Variants in RASGRF2 observed in about 807,000 individuals in gnomAD.
The protein encoded by RASGRF2 is ras-specific guanine nucleotide-releasing factor 2.
A neutral mutation model predicts 151.0 loss-of-function variants in RASGRF2; 76 were observed. The ratio of observed to expected loss-of-function variants is 0.50; its 90% CI spans 0.42 to 0.61. The LOEUF is 0.61. Ranked by LOEUF, RASGRF2 falls within the 20% of genes least tolerant of loss-of-function variation. The pLI, the probability that RASGRF2 is intolerant of heterozygous loss-of-function variation, is 0.00. For missense variants in RASGRF2, 1,148 were observed against 1,564.6 expected (o/e 0.73, Z 4.49); for synonymous variants, 504 against 566.5 (o/e 0.89, Z 1.57).
chr5:81,121,094 T>TTGTGTG (rs145805696), intron 15 of RASGRF2, among the ~76,000 whole-genome samples: 2 of 151,210 alleles, frequency 1.3e-5, no homozygotes, highest in African/African-American at 4.9e-5. Flanking sequence ...AGTCTGAAAG[T>TTGTGTG]TGTGTGTGTG....
intron 19 of RASGRF2, among the ~76,000 whole-genome samples, chr5:81,204,548 A>G (rs918719503): frequency 6.6e-5 from 10 of 152,220 alleles, no homozygotes; most frequent in Admixed American, 2.0e-4. Context: ...ATTGCCATAT[A>G]TAGTTTGTTG....
chr5:81,092,688 T>C (rs1184629302), intron 9 of RASGRF2, 113 bp from the exon 10 acceptor site: 1 of 978,240 alleles, frequency 1.0e-6, no homozygotes, highest in South Asian at 1.6e-5. Context: ...ATGTGTCACA[T>C]AAATCAATCC....
intron 12 of RASGRF2, among the ~76,000 whole-genome samples, chr5:81,105,993 T>C (rs1311799373): frequency 6.6e-6 from 1 of 152,234 alleles, no homozygotes; most frequent in Non-Finnish European, 1.5e-5. Context: ...AGTAAGTACT[T>C]GATAAATGCA....
rs577953713 is a variant in RASGRF2, at chr5:81,226,898, C to G, written c.*1128C>G. On this transcript the variant is annotated 3_prime_UTR_variant, in exon 27 of 27. Coordinates refer to ENST00000265080, the MANE Select transcript of RASGRF2 (RefSeq NM_006909.3). ...ATAAGTGCATGGGAAATGGGCCCAA[C>G]CACCGAACAGCTCTTACATTACAAA... is the stretch of plus-strand genomic sequence containing the variant. 1 of 152,288 alleles carries G rather than the reference C, an allele frequency of 6.6e-6. No individual in the cohort carries two copies. Among genetic ancestry groups the G allele is most frequent in the African/African-American group, 2.4e-5 (1 of 41,558 alleles). 9.4% of individuals were successfully genotyped at this position (152,288 alleles called of 1,614,324 possible). A position where few individuals can be genotyped will look rare whatever the true frequency, so the allele number is the denominator to read the frequency against.
At chr5:81,046,968 A>C (rs1434969400) in intron 2 of RASGRF2, among the ~76,000 whole-genome samples, 2 of 152,168 alleles carry the variant, frequency 1.3e-5, no homozygotes, top group African/African-American at 4.8e-5. Context: ...ACATTTGGGA[A>C]GAAACGAGGA....
intron 15 of RASGRF2, among the ~76,000 whole-genome samples, chr5:81,123,286 A>G (rs940257452): frequency 6.6e-6 from 1 of 152,118 alleles, no homozygotes; most frequent in Non-Finnish European, 1.5e-5. Flanking sequence ...TTGTAATCCC[A>G]ATCTGATTTT....
rs140492713 is a variant in RASGRF2, at chr5:80,974,003, C to T, written c.288+12977C>T. Among the ~76,000 whole-genome samples the T allele has an allele frequency of 2.9e-3, 445 of 152,260 alleles. 3 individuals carry two copies. The highest frequency in any genetic ancestry group is 0.01 in the African/African-American group (431 of 41,550). On this transcript the variant is annotated intron_variant, in intron 1 of 26. Coordinates refer to ENST00000265080, the MANE Select transcript of RASGRF2 (RefSeq NM_006909.3). ...CCTGATGTAGCCAATCTGCCAGGAG[C>T]AGTAGTGGGTAATGCTCCTTGCAAT...
chr5:81,185,597 G>A (rs1755009493), intron 18 of RASGRF2, among the ~76,000 whole-genome samples: 1 of 152,082 alleles, frequency 6.6e-6, no homozygotes, highest in Admixed American at 6.6e-5. Context: ...CCCCACACAG[G>A]AAAAGCTGGC....
chr5:81,209,883 G>A (rs1052629147), intron 22 of RASGRF2, among the ~76,000 whole-genome samples: 1 of 152,128 alleles, frequency 6.6e-6, no homozygotes, highest in African/African-American at 2.4e-5. Flanking sequence ...TCAGTCTTGG[G>A]TAGTGGCCTC....
chr5:81,028,000 A>G (rs1292998988), intron 1 of RASGRF2, among the ~76,000 whole-genome samples: 1 of 152,134 alleles, frequency 6.6e-6, no homozygotes, highest in Non-Finnish European at 1.5e-5. Flanking sequence ...CTCAATGACT[A>G]TATCGGCAAT....
intron 26 of RASGRF2, among the ~76,000 whole-genome samples, chr5:81,224,094 GAATA>G: frequency 6.6e-6 from 1 of 152,180 alleles, no homozygotes; most frequent in South Asian, 2.1e-4. Flanking sequence ...CAAAGAAACA[GAATA>G]AAAGTGTTTC....
intron 1 of RASGRF2, among the ~76,000 whole-genome samples, chr5:81,030,822 G>A (rs1286903626): frequency 6.6e-6 from 1 of 152,130 alleles, no homozygotes. Context: ...AATGTAAATG[G>A]GCTAAATGCT....
Position 81,205,914 on chromosome 5 carries a change from T to C in RASGRF2, c.2907-931T>C, listed in dbSNP as rs183904177. On this transcript the variant is annotated intron_variant, in intron 19 of 26. Transcript: ENST00000265080. Reference sequence around the variant, plus strand: ...TACAAGTGCCCGCCACCTGCCCAGCTAATTTTTTGTATTTTTAGTAGAGGC... The same window carrying C: ...TACAAGTGCCCGCCACCTGCCCAGCCAATTTTTTGTATTTTTAGTAGAGGC... 6.8e-3 allele frequency among the ~76,000 whole-genome samples: 1,041 copies of C among 152,242 alleles called. 5 individuals carry two copies. Among genetic ancestry groups the C allele is most frequent in the South Asian group, 0.013 (65 of 4,822 alleles).
At chr5:81,073,507 CA>C in intron 5 of RASGRF2, 55 bp downstream of exon 5, 1 of 1,531,432 alleles carries the variant, frequency 6.5e-7, no homozygotes, top group Non-Finnish European at 8.8e-7. Context: ...GTATTTCCAA[CA>C]AGAATTTTTA....
chr5:81,096,329 C>T (rs1210462297), intron 12 of RASGRF2: 1 of 152,204 alleles, frequency 6.6e-6, no homozygotes, highest in Non-Finnish European at 1.5e-5. Context: ...ATTTGTAACA[C>T]ATCTCTTACT....
chr5:80,996,071 TTCCTCC>T (rs989013868), intron 1 of RASGRF2, among the ~76,000 whole-genome samples: 2 of 151,930 alleles, frequency 1.3e-5, no homozygotes, highest in Non-Finnish European at 2.9e-5. Flanking sequence ...ACCTTATCTC[TTCCTCC>T]TCCTCCTCCT....
chr5:81,006,810 T>G (rs1043308150), intron 1 of RASGRF2, among the ~76,000 whole-genome samples: 3 of 152,174 alleles, frequency 2.0e-5, no homozygotes, highest in Admixed American at 6.5e-5. Flanking sequence ...CTGGTCACTT[T>G]CCTGAGTTTT....
chr5:81,080,575 G>GT (rs1561597633), intron 6 of RASGRF2, 21 bp from the exon 7 acceptor site: 1 of 1,599,374 alleles, frequency 6.3e-7, no homozygotes. Context: ...GGAAACAGCC[G>GT]TGTTTACTGT....
intron 1 of RASGRF2, among the ~76,000 whole-genome samples, chr5:81,034,664 T>C (rs1252728838): frequency 2.0e-5 from 3 of 150,954 alleles, no homozygotes; most frequent in African/African-American, 7.3e-5. Context: ...ATGGATGAAA[T>C]TGGAAATCAT....
Sources: allele counts gnomAD v4.1 joint callset (sites outside exome capture counted in the v4.1 genomes callset), GRCh38; gene constraint gnomAD v4.1.1; transcripts MANE v1.5; gene names NCBI Gene and HGNC (gene_info 2026-07-23, HGNC 2026-07-21).